The following CDH8 variants were observed in gnomAD, a reference collection of about 807,000 sequenced individuals.
The protein encoded by CDH8 is cadherin-8.
Under a neutral mutation model 68.1 loss-of-function variants are expected in CDH8, and 17 were observed. The ratio of observed to expected loss-of-function variants is 0.25; its 90% confidence interval spans 0.17 to 0.37. CDH8 has a LOEUF of 0.37. Among genes scored for constraint, CDH8 ranks in the 10% least tolerant of loss-of-function variants. The pLI, the probability that CDH8 is intolerant of heterozygous loss-of-function variation, is 1.00. For synonymous variants in CDH8, 372 were observed against 365.1 expected, an observed-to-expected ratio of 1.02 and a Z score of -0.21; for missense variants, 763 against 999.3, an observed-to-expected ratio of 0.76 and a Z score of 3.19.
chr16:61,672,391 C>T (rs1046912834), intron 10 of CDH8, among the ~76,000 whole-genome samples: 1 of 151,964 alleles, frequency 6.6e-6, no homozygotes, highest in Non-Finnish European at 1.5e-5. Flanking sequence ...TATTTGCATA[C>T]CAATCTTATT....
intron 8 of CDH8, among the ~76,000 whole-genome samples, chr16:61,759,587 G>A (rs981712219): frequency 2.0e-5 from 3 of 152,018 alleles, no homozygotes; most frequent in Non-Finnish European, 4.4e-5. Context: ...ATGATTCCAA[G>A]AATCACTATT....
chr16:61,827,213 G>C (rs1471626115), intron 4 of CDH8, among the ~76,000 whole-genome samples: 2 of 151,778 alleles, frequency 1.3e-5, no homozygotes, highest in Non-Finnish European at 2.9e-5. Context: ...CAGTAAAAAA[G>C]ATTGAAAACA....
At chr16:61,865,202 T>A (rs1025007085) in intron 3 of CDH8, among the ~76,000 whole-genome samples, 4 of 152,160 alleles carry the variant, frequency 2.6e-5, no homozygotes, top group Non-Finnish European at 5.9e-5. Context: ...AAATGTATCC[T>A]GTCATTTCTC....
chr16:61,836,571 G>T (rs952454677), intron 4 of CDH8, among the ~76,000 whole-genome samples: 1 of 152,010 alleles, frequency 6.6e-6, no homozygotes, highest in Non-Finnish European at 1.5e-5. Flanking sequence ...GACAATAATT[G>T]CTTCCATTGC....
chr16:61,983,941 G>A (rs1005535619), intron 2 of CDH8, among the ~76,000 whole-genome samples: 22 of 146,780 alleles, frequency 1.5e-4, no homozygotes, highest in Non-Finnish European at 2.8e-4. Flanking sequence ...TTTTCGAGAC[G>A]GAATCTCACT....
chr16:61,717,950 T>A (rs933685622), intron 9 of CDH8, among the ~76,000 whole-genome samples: 3 of 151,422 alleles, frequency 2.0e-5, no homozygotes, highest in African/African-American at 7.3e-5. Flanking sequence ...ATTCAAATTA[T>A]ATGAAGTATA....
intron 2 of CDH8, among the ~76,000 whole-genome samples, chr16:61,924,623 C>T (rs1964427878): frequency 6.6e-6 from 1 of 151,748 alleles, no homozygotes; most frequent in Non-Finnish European, 1.5e-5. Context: ...CATGAATATA[C>T]AGGATCTTGG....
At position 61,652,727 on chromosome 16, in the gene CDH8, T is replaced by C. The variant is rs1209395666; in HGVS notation, c.*881A>G. ...TTAATCTATAGATTACCGACCTTAATAAATAAAAGCATTAATGGACATCAA... is the reference window on the plus strand; with the variant it reads ...TTAATCTATAGATTACCGACCTTAACAAATAAAAGCATTAATGGACATCAA... On this transcript the variant is annotated 3_prime_UTR_variant, in exon 12 of 12. Transcript: ENST00000577390. The C allele has an allele frequency of 3.3e-5, 43 of 1,291,178 alleles. No individual in the cohort carries two copies. Among genetic ancestry groups the C allele is most frequent in the Non-Finnish European group, 4.1e-5 (42 of 1,019,964 alleles). The allele number at this position is 1,291,178 out of a possible 1,614,324, so 80.0% of individuals were successfully genotyped here.
chr16:61,959,933 C>A (rs1252429364), intron 2 of CDH8, among the ~76,000 whole-genome samples: 1 of 132,914 alleles, frequency 7.5e-6, no homozygotes, highest in Non-Finnish European at 1.6e-5. Flanking sequence ...AGGATATGGT[C>A]ATTATACCTT....
At chr16:61,778,429 A>G (rs182991174) in intron 8 of CDH8, among the ~76,000 whole-genome samples, 55 of 152,270 alleles carry the variant, frequency 3.6e-4, no homozygotes, top group African/African-American at 1.1e-3. Context: ...CATATTGGCT[A>G]TGCAATGCAG....
In CDH8 at chr16:61,652,347, A is replaced by G. The variant is rs1963340104; in HGVS notation, c.*1261T>C. On this transcript the variant is annotated 3_prime_UTR_variant, in exon 12 of 12. Coordinates refer to ENST00000577390, the MANE Select transcript of CDH8 (RefSeq NM_001796.5). Reference sequence around the variant, plus strand: ...TAAAACTGTGGGGGTAAATTGAAGCATGTTTATTGGGCAGGGCATGATGTA... The same window carrying G: ...TAAAACTGTGGGGGTAAATTGAAGCGTGTTTATTGGGCAGGGCATGATGTA... The G allele has an allele frequency of 1.0e-6, 1 of 984,612 alleles. No homozygotes were observed. The highest frequency in any genetic ancestry group is 1.2e-6 in the Non-Finnish European group (1 of 829,300). The allele number at this position is 984,612 out of a possible 1,614,324, so 61.0% of individuals were successfully genotyped here.
intron 1 of CDH8, among the ~76,000 whole-genome samples, chr16:62,023,400 T>A (rs1476539995): frequency 1.3e-5 from 2 of 152,114 alleles, no homozygotes; most frequent in Non-Finnish European, 2.9e-5. Flanking sequence ...GACAAGATAG[T>A]CAAGTTTTCT....
At chr16:61,960,828 C>T (rs1339221497) in intron 2 of CDH8, among the ~76,000 whole-genome samples, 2 of 152,134 alleles carry the variant, frequency 1.3e-5, no homozygotes, top group Non-Finnish European at 2.9e-5. Flanking sequence ...CCAGACCTCT[C>T]GCTGCTAGCT....
intron 10 of CDH8, among the ~76,000 whole-genome samples, chr16:61,694,641 C>T (rs1964292125): frequency 6.6e-6 from 1 of 152,108 alleles, no homozygotes; most frequent in Non-Finnish European, 1.5e-5. Context: ...ATAGACAGAG[C>T]TTCTGATCCT....
intron 2 of CDH8, among the ~76,000 whole-genome samples, chr16:62,010,724 A>T (rs896134903): frequency 6.6e-6 from 1 of 152,144 alleles, no homozygotes; most frequent in African/African-American, 2.4e-5. Flanking sequence ...GAATCACCTG[A>T]GGTTGGCAGT....
At chr16:61,800,932 T>G (rs1244352044) in intron 7 of CDH8, among the ~76,000 whole-genome samples, 3 of 152,210 alleles carry the variant, frequency 2.0e-5, no homozygotes, top group Non-Finnish European at 4.4e-5. Context: ...GAACATCAGA[T>G]AAGGATGTCA....
intron 8 of CDH8, among the ~76,000 whole-genome samples, chr16:61,732,365 GAACA>G (rs766802147): frequency 2.4e-4 from 37 of 151,618 alleles, no homozygotes; most frequent in South Asian, 6.2e-4. Flanking sequence ...AGCGGGAGGT[GAACA>G]AACAAACAAA....
At chr16:61,736,054 A>T (rs1959669389) in intron 8 of CDH8, among the ~76,000 whole-genome samples, 1 of 151,262 alleles carries the variant, frequency 6.6e-6, no homozygotes, top group South Asian at 2.1e-4. Context: ...GCCTGATGAC[A>T]GAGCAAGACT....
chr16:61,694,660 T>C (rs552349327), intron 10 of CDH8, among the ~76,000 whole-genome samples: 4 of 152,298 alleles, frequency 2.6e-5, no homozygotes, highest in African/African-American at 7.2e-5. Flanking sequence ...CTGCCTCTGG[T>C]TCTGTTTCAA....
Sources: allele counts gnomAD v4.1 joint callset (sites outside exome capture counted in the v4.1 genomes callset), GRCh38; gene constraint gnomAD v4.1.1; transcripts MANE v1.5; gene names NCBI Gene and HGNC (gene_info 2026-07-23, HGNC 2026-07-21).